KCNQ5: variants seen among roughly 807,000 people sequenced by gnomAD.
KCNQ5 encodes potassium voltage-gated channel subfamily Q member 5.
Under a neutral mutation model 98.2 loss-of-function variants are expected in KCNQ5, and 30 were observed. The ratio of observed to expected loss-of-function variants is 0.31; its 90% CI spans 0.23 to 0.41. The LOEUF (loss-of-function observed/expected upper bound fraction) is 0.41. Among genes scored for constraint, KCNQ5 ranks in the 10% least tolerant of loss-of-function variants. The pLI, the probability that KCNQ5 is intolerant of heterozygous loss-of-function variation, is 1.00. For synonymous variants in KCNQ5, 458 were observed against 449.4 expected, an observed-to-expected ratio of 1.02 and a Z score of -0.24; for missense variants, 835 against 1,182.5, an observed-to-expected ratio of 0.71 and a Z score of 4.31.
chr6:72,715,080 A>G (rs1769578362), intron 1 of KCNQ5, among the ~76,000 whole-genome samples: 1 of 152,180 alleles, frequency 6.6e-6, no homozygotes. Context: ...TTGTCTTTCA[A>G]TTGGGACCAA....
In KCNQ5 at chr6:72,961,511, A is replaced by G. The variant is rs560486199; in HGVS notation, c.399-42397A>G. ...GTGGCGGGCGCCTGTAGTCCCAGCTACTCTGGAGGCTGAGGCAGGAGAATG... is the reference window on the plus strand; with the variant it reads ...GTGGCGGGCGCCTGTAGTCCCAGCTGCTCTGGAGGCTGAGGCAGGAGAATG... On this transcript the variant is annotated intron_variant, in intron 1 of 13. Coordinates refer to ENST00000370398, the MANE Select transcript of KCNQ5 (RefSeq NM_019842.4). 2.6e-5 allele frequency among the ~76,000 whole-genome samples: 4 copies of G among 151,014 alleles called. No individual in the cohort carries two copies. The East Asian group carries it at 5.9e-4, about 22-fold the overall frequency.
chr6:72,688,535 T>C (rs1582117294), intron 1 of KCNQ5, among the ~76,000 whole-genome samples: 1 of 152,232 alleles, frequency 6.6e-6, no homozygotes, highest in East Asian at 1.9e-4. Flanking sequence ...ATAAAAGTTT[T>C]AGTGCAAAAA....
intron 1 of KCNQ5, among the ~76,000 whole-genome samples, chr6:72,911,396 A>G (rs1356326603): frequency 6.6e-6 from 1 of 152,072 alleles, no homozygotes; most frequent in Non-Finnish European, 1.5e-5. Flanking sequence ...GTAGTCTGCA[A>G]CCCGGAAGGG....
In KCNQ5 at chr6:72,848,810, C is replaced by T. The variant is rs528187603; in HGVS notation, c.399-155098C>T. ...TAATGGTCTTATAAAAGGCTTCTCCCGCTTTGCTCAGCACTTCTCCTTGCT... is the reference window on the plus strand; with the variant it reads ...TAATGGTCTTATAAAAGGCTTCTCCTGCTTTGCTCAGCACTTCTCCTTGCT... On this transcript the variant is annotated intron_variant, in intron 1 of 13. Coordinates refer to ENST00000370398, the MANE Select transcript of KCNQ5 (RefSeq NM_019842.4). Among the ~76,000 whole-genome samples, 5 of 152,114 alleles carry T rather than the reference C, an allele frequency of 3.3e-5. No individual in the cohort carries two copies. The South Asian group carries it at 6.2e-4, about 19-fold the overall frequency.
chr6:73,020,128 A>G (rs543218558), intron 2 of KCNQ5, among the ~76,000 whole-genome samples: 2 of 152,166 alleles, frequency 1.3e-5, no homozygotes, highest in South Asian at 4.2e-4. Flanking sequence ...CTCTAATTCA[A>G]TTCAGTTCTG....
chr6:72,696,480 T>C (rs552298289), intron 1 of KCNQ5, among the ~76,000 whole-genome samples: 5 of 152,312 alleles, frequency 3.3e-5, no homozygotes, highest in Middle Eastern at 3.4e-3. Context: ...TTGCATGAGA[T>C]AATTACAGAA....
intron 7 of KCNQ5, among the ~76,000 whole-genome samples, chr6:73,113,200 T>C (rs1424801267): frequency 6.6e-6 from 1 of 152,174 alleles, no homozygotes; most frequent in East Asian, 1.9e-4. Context: ...TTCTAATAAG[T>C]TTTTCTCTTT....
intron 1 of KCNQ5, among the ~76,000 whole-genome samples, chr6:72,845,710 T>C (rs567498081): frequency 2.0e-4 from 30 of 152,350 alleles, no homozygotes; most frequent in African/African-American, 6.0e-4. Flanking sequence ...TTTATATTCA[T>C]GTAATTTTAA....
chr6:72,786,002 CT>C (rs1477250975), intron 1 of KCNQ5, among the ~76,000 whole-genome samples: 4 of 152,068 alleles, frequency 2.6e-5, no homozygotes, highest in Non-Finnish European at 4.4e-5. Context: ...TTAAAGTTTT[CT>C]GTTATTTACA....
chr6:72,714,708 G>C (rs1386621072), intron 1 of KCNQ5, among the ~76,000 whole-genome samples: 1 of 152,166 alleles, frequency 6.6e-6, no homozygotes, highest in African/African-American at 2.4e-5. Context: ...ATACATGTCA[G>C]AACTCCTTCA....
chr6:72,903,316 G>A (rs1357608538), intron 1 of KCNQ5, among the ~76,000 whole-genome samples: 3 of 151,556 alleles, frequency 2.0e-5, no homozygotes, highest in African/African-American at 7.3e-5. Context: ...GTAATTTTTT[G>A]TTTCAAATTC....
At chr6:72,787,004 CAAAAA>C (rs1045803750) in intron 1 of KCNQ5, among the ~76,000 whole-genome samples, 2 of 50,438 alleles carry the variant, frequency 4.0e-5, no homozygotes, top group African/African-American at 5.4e-5. Context: ...GACTCTGTCT[CAAAAA>C]AAAAAAAAAA....
chr6:72,761,889 C>G (rs947192673), intron 1 of KCNQ5, among the ~76,000 whole-genome samples: 1 of 151,992 alleles, frequency 6.6e-6, no homozygotes. Context: ...ACCTTTGATA[C>G]GTAGAAGTCC....
At chr6:73,001,966 T>TA (rs894509126) in intron 1 of KCNQ5, among the ~76,000 whole-genome samples, 14 of 148,522 alleles carry the variant, frequency 9.4e-5, no homozygotes, top group Non-Finnish European at 1.5e-4. Flanking sequence ...CAAAAAATTT[T>TA]AAAAAAAATT....
chr6:73,008,211 T>C (rs1769903006), intron 2 of KCNQ5, among the ~76,000 whole-genome samples: 1 of 151,860 alleles, frequency 6.6e-6, no homozygotes, highest in Non-Finnish European at 1.5e-5. Context: ...CAAAAAAAGC[T>C]ATGAAGTATA....
At chr6:72,804,237 G>A (rs1207642500) in intron 1 of KCNQ5, among the ~76,000 whole-genome samples, 1 of 151,962 alleles carries the variant, frequency 6.6e-6, no homozygotes, top group Non-Finnish European at 1.5e-5. Context: ...TAGTCACCCT[G>A]TTGTGCTATC....
chr6:72,628,681 C>T (rs1456893075), intron 1 of KCNQ5, among the ~76,000 whole-genome samples: 1 of 152,102 alleles, frequency 6.6e-6, no homozygotes, highest in Non-Finnish European at 1.5e-5. Context: ...GTGATCTCAG[C>T]TCACTCCAAC....
intron 7 of KCNQ5, among the ~76,000 whole-genome samples, chr6:73,113,930 T>C (rs1399044688): frequency 6.6e-6 from 1 of 152,234 alleles, no homozygotes; most frequent in African/African-American, 2.4e-5. Context: ...TACTTAAAAC[T>C]CCAACTTAAA....
chr6:72,637,887 T>A (rs1009081411), intron 1 of KCNQ5, among the ~76,000 whole-genome samples: 9 of 152,206 alleles, frequency 5.9e-5, no homozygotes, highest in Non-Finnish European at 1.3e-4. Flanking sequence ...GAAACAGTTT[T>A]AACAAGCTCG....
Sources: gnomAD v4.1 joint callset for allele counts (sites outside exome capture counted in the v4.1 genomes callset) on GRCh38, gnomAD v4.1.1 for gene constraint, MANE v1.5 for transcripts, NCBI Gene and HGNC (gene_info 2026-07-23, HGNC 2026-07-21) for gene names.